The following TOMM70 variants were observed in gnomAD, a reference collection of about 807,000 sequenced individuals.
TOMM70 encodes the protein translocase of outer mitochondrial membrane 70.
Under a neutral mutation model 73.6 loss-of-function variants are expected in TOMM70, and 13 were observed. The ratio of observed to expected loss-of-function variants is 0.18; its 90% CI spans 0.11 to 0.28. The LOEUF is 0.28. TOMM70 is among the 10% of genes least tolerant of loss of function. TOMM70 has a pLI of 1.00. For synonymous variants in TOMM70, 257 were observed against 271.2 expected (o/e 0.95, Z 0.51); for missense variants, 609 against 747.5 (o/e 0.81, Z 2.16).
At chr3:100,386,421 T>C (rs1312532421) in intron 2 of TOMM70, 77 bp from the exon 3 acceptor site, 5 of 1,412,308 alleles carry the variant, frequency 3.5e-6, no homozygotes, top group Non-Finnish European at 3.8e-6. Flanking sequence ...ACTTGATAGG[T>C]TGAGTATTAA....
Position 100,386,335 on chromosome 3 carries a change from T to C in TOMM70, c.508A>G (p.Lys170Glu), listed in dbSNP as rs1208967747. Residue 170 changes from lysine (K) to glutamate (E), a missense_variant, in exon 3 of 12, where the codon AAA (lysine) becomes GAA (glutamate). Around this residue, in one of 2 missense-constraint regions of TOMM70, gnomAD observed 432 missense variants for 584.1 expected, o/e 0.74. Coordinates refer to ENST00000284320, the MANE Select transcript of TOMM70 (RefSeq NM_014820.5). ...TTTGTACAGTCTTGTGCCACTTCTT[T>C]CCATTTTTGCTGTAATTGAAAGTAT... ...AAAFEQLQKW[K>E]EVAQDCTKAV... 1 of 1,599,096 alleles carries C rather than the reference T, an allele frequency of 6.3e-7. No homozygotes were observed. Among genetic ancestry groups the C allele is most frequent in the Non-Finnish European group, 8.5e-7 (1 of 1,174,370 alleles).
rs939027214 is a variant in TOMM70, at chr3:100,365,560, T to C, written c.*4A>G. 10 of 1,613,620 alleles carry C rather than the reference T, an allele frequency of 6.2e-6. No individual in the cohort carries two copies. Among genetic ancestry groups the C allele is most frequent in the Non-Finnish European group, 8.5e-6 (10 of 1,179,732 alleles). ...AAAGAGGGTCAGTCTGCTTTCCCCC[T>C]GTTTTATAATGTTGGTGGTTTTAAT... On this transcript the variant is annotated 3_prime_UTR_variant, in exon 12 of 12. Coordinates refer to ENST00000284320, the MANE Select transcript of TOMM70 (RefSeq NM_014820.5).
At chr3:100,368,971 A>G in intron 10 of TOMM70, 67 bp downstream of exon 10, 1 of 1,245,730 alleles carries the variant, frequency 8.0e-7, no homozygotes, top group Non-Finnish European at 1.2e-6. Context: ...CAGTGGCCAA[A>G]ATAAATACAT....
intron 2 of TOMM70, 26 bp from the exon 3 acceptor site, chr3:100,386,370 G>A: frequency 6.3e-7 from 1 of 1,583,690 alleles, no homozygotes; most frequent in Non-Finnish European, 8.6e-7. Flanking sequence ...TTTAAAAAAA[G>A]TCACACTAAA....
rs1396475479 is a variant in TOMM70 at position 100,365,713 on chromosome 3, T to C, written c.1678A>G (p.Asn560Asp). The change falls in exon 12 of 12, where the codon AAC becomes GAC. Residue 560 changes from asparagine to aspartate, a missense_variant. Transcript: ENST00000284320. Reference sequence around the variant, plus strand: ...AACATGTCAATGGCTTTCTCCATGTTTCCTCTAAAAGAACAAAATTTTTAA... The same window carrying C: ...AACATGTCAATGGCTTTCTCCATGTCTCCTCTAAAAGAACAAAATTTTTAA... The part of the protein sequence containing the change: ...TMGTIEVQRG[N>D]MEKAIDMFNK... The C allele has an allele frequency of 6.2e-7, 1 of 1,614,056 alleles. No homozygotes were observed. Among genetic ancestry groups the C allele is most frequent in the East Asian group, 2.2e-5 (1 of 44,888 alleles).
chr3:100,391,219 T>C (rs896943422), intron 1 of TOMM70, among the ~76,000 whole-genome samples: 1 of 152,256 alleles, frequency 6.6e-6, no homozygotes, highest in Non-Finnish European at 1.5e-5. Context: ...GTTACTGGTT[T>C]ATGTGTTTAC....
chr3:100,376,386 A>ATTTTTTTTTTTTTTTTTTTTTTTTT (rs1706566485), intron 6 of TOMM70, among the ~76,000 whole-genome samples: 1 of 81,950 alleles, frequency 1.2e-5, no homozygotes, highest in African/African-American at 1.6e-4. Flanking sequence ...TTTTTTTTTG[A>ATTTTTTTTTTTTTTTTTTTTTTTTT]GACAGGATCT....
chr3:100,391,635 C>T (rs1463999220), intron 1 of TOMM70, among the ~76,000 whole-genome samples: 1 of 151,948 alleles, frequency 6.6e-6, no homozygotes, highest in Non-Finnish European at 1.5e-5. Flanking sequence ...ACAAAGTCTC[C>T]CTATTTGTCC....
chr3:100,395,075 G>A (rs1337783288), intron 1 of TOMM70, among the ~76,000 whole-genome samples: 1 of 152,090 alleles, frequency 6.6e-6, no homozygotes, highest in Non-Finnish European at 1.5e-5. Context: ...CCCAAATGAG[G>A]TTTAAGATTT....
chr3:100,369,746 C>T (rs1706487824), intron 9 of TOMM70, among the ~76,000 whole-genome samples: 1 of 152,044 alleles, frequency 6.6e-6, no homozygotes, highest in Admixed American at 6.6e-5. Flanking sequence ...GGTGATCCAC[C>T]CACCTCGGCC....
intron 5 of TOMM70, among the ~76,000 whole-genome samples, chr3:100,380,051 G>C (rs1346173249): frequency 6.6e-6 from 1 of 152,146 alleles, no homozygotes; most frequent in Non-Finnish European, 1.5e-5. Context: ...ACCAGGCTAA[G>C]AAAACACAAA....
At chr3:100,387,597 C>A (rs1576216619) in intron 1 of TOMM70, among the ~76,000 whole-genome samples, 1 of 107,632 alleles carries the variant, frequency 9.3e-6, no homozygotes, top group Non-Finnish European at 1.9e-5. Context: ...GACACAGACA[C>A]AGACACACAC....
At position 100,365,660 on chromosome 3, in the gene TOMM70, C is replaced by G; in HGVS notation, c.1731G>C (p.Ser577=). ...AATACAGATGGGCCATCTCCATTTC[C>G]GATTTGGCCAGGTTAATAGCTTTGT... is the stretch of plus-strand genomic sequence containing the variant. ...MFNKAINLAK[S]EMEMAHLYSL... is the part of the protein sequence containing the mutation. Residue 577 remains serine (S), a synonymous_variant, in exon 12 of 12, where the codon TCG becomes TCC. Coordinates refer to ENST00000284320, the MANE Select transcript of TOMM70 (RefSeq NM_014820.5). 6.2e-7 allele frequency: 1 copy of G among 1,614,180 alleles called. No homozygotes were observed. Among genetic ancestry groups the G allele is most frequent in the Non-Finnish European group, 8.5e-7 (1 of 1,180,020 alleles).
At chr3:100,372,227 T>TA (rs2148889471) in intron 9 of TOMM70, 1 of 163,974 alleles carries the variant, frequency 6.1e-6, no homozygotes, top group South Asian at 2.0e-4. Flanking sequence ...AATAAACCGT[T>TA]ACAACAACCT....
chr3:100,366,380 A>G (rs543406110), intron 11 of TOMM70, among the ~76,000 whole-genome samples: 75 of 152,298 alleles, frequency 4.9e-4, no homozygotes, highest in African/African-American at 1.7e-3. Flanking sequence ...TATATATGCA[A>G]TCCTACAAAG....
intron 1 of TOMM70, among the ~76,000 whole-genome samples, chr3:100,398,383 C>CAAAAAA (rs397970636): frequency 6.1e-5 from 6 of 97,982 alleles, no homozygotes; most frequent in Non-Finnish European, 1.3e-4. Flanking sequence ...GACGCTGTCT[C>CAAAAAA]AAAAAAAAAA....
At chr3:100,381,216 C>A (rs1012609450) in intron 5 of TOMM70, among the ~76,000 whole-genome samples, 7 of 152,136 alleles carry the variant, frequency 4.6e-5, no homozygotes, top group Admixed American at 3.3e-4. Context: ...CTTTGGGCAC[C>A]CCTAAAAGTA....
chr3:100,390,976 A>G (rs1706752823), intron 1 of TOMM70, among the ~76,000 whole-genome samples: 4 of 151,182 alleles, frequency 2.6e-5, no homozygotes, highest in Admixed American at 2.6e-4. Context: ...CGTCTCTACT[A>G]AAAATACAAA....
intron 3 of TOMM70, among the ~76,000 whole-genome samples, 162 bp downstream of exon 3, chr3:100,386,056 T>C (rs926762254): frequency 6.0e-4 from 91 of 152,302 alleles, no homozygotes; most frequent in African/African-American, 2.0e-3. Context: ...TACTTAAGTA[T>C]CAGCAATCTT....
Sources: allele counts gnomAD v4.1 joint callset (sites outside exome capture counted in the v4.1 genomes callset), GRCh38; gene constraint gnomAD v4.1.1; regional missense constraint gnomAD v4.1.1; transcripts MANE v1.5; gene names NCBI Gene and HGNC (gene_info 2026-07-23, HGNC 2026-07-21).